SPRR2G: variants seen among roughly 807,000 people sequenced by gnomAD.
The protein encoded by SPRR2G is small proline-rich protein 2G.
SPRR2G carries 1 observed loss-of-function variant against 0.7 expected under a neutral mutation model. The ratio of observed to expected loss-of-function variants is 1.49; its 90% confidence interval spans 0.53 to 7.06. The LOEUF (loss-of-function observed/expected upper bound fraction) is 7.06. Ranked by LOEUF, SPRR2G falls within the 30% of genes most tolerant of loss-of-function variation. SPRR2G has a pLI of 0.14. For synonymous variants in SPRR2G, 38 were observed against 33.9 expected, an observed-to-expected ratio of 1.12 and a Z score of -0.42; for missense variants, 96 against 88.5, an observed-to-expected ratio of 1.09 and a Z score of -0.34.
At chr1:153,172,055 G>A in the SPRR2G span, among the ~76,000 whole-genome samples, 1 of 152,006 alleles carries the variant, frequency 6.6e-6, no homozygotes, top group African/African-American at 2.4e-5. Context: ...AAATTGGAGC[G>A]ACCTACAGCT....
the SPRR2G span, among the ~76,000 whole-genome samples, chr1:153,197,183 T>TGTGTGTGTGTGTG: frequency 1.4e-5 from 2 of 145,584 alleles, no homozygotes; most frequent in African/African-American, 5.2e-5. Flanking sequence ...TGTGTGTATG[T>TGTGTGTGTGTGTG]TGGAGGATGA....
At chr1:153,177,162 T>A in the SPRR2G span, among the ~76,000 whole-genome samples, 1 of 152,228 alleles carries the variant, frequency 6.6e-6, no homozygotes, top group Non-Finnish European at 1.5e-5. Flanking sequence ...TTGATACACA[T>A]CAAATTCCTG....
chr1:153,186,606 T>C, the SPRR2G span, among the ~76,000 whole-genome samples: 1 of 152,182 alleles, frequency 6.6e-6, no homozygotes, highest in African/African-American at 2.4e-5. Flanking sequence ...GCAAGTGAGA[T>C]GGGTCTCCTG....
the SPRR2G span, among the ~76,000 whole-genome samples, chr1:153,182,177 C>A: frequency 6.6e-6 from 1 of 152,060 alleles, no homozygotes; most frequent in Non-Finnish European, 1.5e-5. Context: ...TGATGTTGAG[C>A]AATTTTTCAT....
upstream of SPRR2G, among the ~76,000 whole-genome samples, chr1:153,153,502 A>G (rs1464306337): frequency 6.6e-6 from 1 of 152,180 alleles, no homozygotes; most frequent in Non-Finnish European, 1.5e-5. Flanking sequence ...GCCTAGTAAA[A>G]CAACCGTGTA....
At chr1:153,154,159 TA>T (rs1656531726), upstream of SPRR2G, among the ~76,000 whole-genome samples, 1 of 151,934 alleles carries the variant, frequency 6.6e-6, no homozygotes, top group African/African-American at 2.4e-5. Flanking sequence ...TTTTTTTTTT[TA>T]GAAAAGAAAG....
At chr1:153,154,770 G>A (rs1656548371), upstream of SPRR2G, among the ~76,000 whole-genome samples, 1 of 147,140 alleles carries the variant, frequency 6.8e-6, no homozygotes, top group South Asian at 2.1e-4. Flanking sequence ...CTAGCTAGAG[G>A]TTTGTCAAAT....
the SPRR2G span, chr1:153,191,368 G>A: frequency 6.6e-6 from 1 of 152,220 alleles, no homozygotes; most frequent in African/African-American, 2.4e-5. Context: ...ATGGACCCCA[G>A]AGACAGTTAT....
the SPRR2G span, among the ~76,000 whole-genome samples, chr1:153,180,276 C>T: frequency 6.6e-6 from 1 of 152,160 alleles, no homozygotes; most frequent in African/African-American, 2.4e-5. Flanking sequence ...GAGTCACTAC[C>T]AGCCCCCAAA....
the SPRR2G span, among the ~76,000 whole-genome samples, chr1:153,178,122 C>T: frequency 1.3e-5 from 2 of 151,678 alleles, no homozygotes; most frequent in South Asian, 2.1e-4. Context: ...ATTTTATTTC[C>T]AATTGTGTGG....
chr1:153,149,766 G>A lies in SPRR2G; in HGVS notation c.*123C>T. 7.9e-7 allele frequency: 1 copy of A among 1,269,098 alleles called. No individual in the cohort carries two copies. The highest frequency in any genetic ancestry group is 1.1e-6 in the Non-Finnish European group (1 of 890,694). The allele number at this position is 1,269,098 out of a possible 1,614,324, so 78.6% of individuals were successfully genotyped here. ...AAGCCTTTTCTCTGTCAACGCTCAA[G>A]CCAGACAGAGGTTAGGGAAGATGCA... On this transcript the variant is annotated 3_prime_UTR_variant, in exon 2 of 2. Transcript: ENST00000368748.
the SPRR2G span, chr1:153,191,110 G>T: frequency 6.6e-6 from 1 of 152,240 alleles, no homozygotes; most frequent in South Asian, 2.1e-4. Flanking sequence ...TTTCCCTCTG[G>T]TTGCCCAGTC....
the SPRR2G span, chr1:153,190,633 A>G: frequency 6.6e-5 from 10 of 152,364 alleles, no homozygotes; most frequent in African/African-American, 2.4e-4. Context: ...CTCTGCCTCA[A>G]TGGAATTCAA....
At chr1:153,199,081 G>A in the SPRR2G span, among the ~76,000 whole-genome samples, 23 of 152,282 alleles carry the variant, frequency 1.5e-4, no homozygotes, top group East Asian at 2.7e-3. Context: ...TGAGGATTTC[G>A]TAGAACATTC....
At chr1:153,152,039 C>T (rs1656481289), upstream of SPRR2G, among the ~76,000 whole-genome samples, 1 of 152,210 alleles carries the variant, frequency 6.6e-6, no homozygotes, top group South Asian at 2.1e-4. Context: ...ACAGTTTACA[C>T]AGCTGTAAAA....
At chr1:153,166,550 C>G in the SPRR2G span, among the ~76,000 whole-genome samples, 1 of 152,028 alleles carries the variant, frequency 6.6e-6, no homozygotes, top group African/African-American at 2.4e-5. Context: ...TCCTTGATAC[C>G]TAAGCTCTGA....
At chr1:153,173,071 G>T in the SPRR2G span, among the ~76,000 whole-genome samples, 1 of 152,204 alleles carries the variant, frequency 6.6e-6, no homozygotes, top group African/African-American at 2.4e-5. Context: ...CAGCACAGCT[G>T]GTTAATGTCA....
the SPRR2G span, among the ~76,000 whole-genome samples, chr1:153,193,446 AC>A: frequency 1.3e-5 from 2 of 152,234 alleles, no homozygotes; most frequent in African/African-American, 4.8e-5. Context: ...GTGCATGCAC[AC>A]ACACTCACAC....
chr1:153,200,795 GTTC>G, the SPRR2G span, among the ~76,000 whole-genome samples: 2 of 151,646 alleles, frequency 1.3e-5, no homozygotes, highest in South Asian at 4.2e-4. Flanking sequence ...TGCCTCCCAG[GTTC>G]AAGCGATTCT....
Sources: allele counts gnomAD v4.1 joint callset (sites outside exome capture counted in the v4.1 genomes callset), GRCh38; gene constraint gnomAD v4.1.1; transcripts MANE v1.5; gene names NCBI Gene and HGNC (gene_info 2026-07-23, HGNC 2026-07-21).